Variants in ROBO1 observed in about 807,000 individuals in gnomAD.
ROBO1 encodes roundabout guidance receptor 1, also known as roundabout homolog 1.
In ROBO1, 149 loss-of-function variants were observed where a neutral mutation model predicts 195.9. That is an observed-to-expected ratio of 0.76 (90% CI 0.67 to 0.87). The LOEUF is 0.87. Ranked by LOEUF, ROBO1 falls within the 40% of genes least tolerant of loss-of-function variation. The pLI is 0.00. For missense variants in ROBO1, 1,933 were observed against 2,068.3 expected, an observed-to-expected ratio of 0.93 and a Z score of 1.27; for synonymous variants, 816 against 733.2, an observed-to-expected ratio of 1.11 and a Z score of -1.82.
At chr3:79,427,445 A>G (rs761035591) in intron 2 of ROBO1, among the ~76,000 whole-genome samples, 3 of 152,160 alleles carry the variant, frequency 2.0e-5, no homozygotes, top group Non-Finnish European at 4.4e-5. Context: ...TGTTTAGGGG[A>G]CGCAATTCTA....
chr3:79,442,259 T>C (rs568508650), intron 2 of ROBO1, among the ~76,000 whole-genome samples: 25 of 152,260 alleles, frequency 1.6e-4, no homozygotes, highest in African/African-American at 6.0e-4. Flanking sequence ...ATTATCAGCC[T>C]GTATTGAGTA....
In ROBO1 at chr3:78,627,483, C is replaced by T. The variant is rs1348948033; in HGVS notation, c.3713G>A (p.Gly1238Asp). 1.2e-6 allele frequency: 2 copies of T among 1,613,102 alleles called. No homozygotes were observed. Among genetic ancestry groups the T allele is most frequent in the East Asian group, 2.2e-5 (1 of 44,748 alleles). The change falls in exon 26 of 31, where the codon GGC (glycine) becomes GAC (aspartate). Residue 1238 changes from glycine (G) to aspartate (D), a missense_variant. Around this residue, in one of 3 missense-constraint regions of ROBO1, gnomAD observed 1,737 missense variants for 1,882.5 expected, o/e 0.92. Transcript: ENST00000464233. ...TGCTCCCCGAACAGGGGGAGTGGGGCCTCGTTCATCTTCCTCCTCTTCTAA... is the reference window on the plus strand; with the variant it reads ...TGCTCCCCGAACAGGGGGAGTGGGGTCTCGTTCATCTTCCTCCTCTTCTAA... Reference protein sequence around the residue: ...DELEEEEDERGPTPPVRGAAS... With the variant: ...DELEEEEDERDPTPPVRGAAS...
At chr3:78,908,299 C>T (rs1032959805) in intron 4 of ROBO1, among the ~76,000 whole-genome samples, 3 of 151,874 alleles carry the variant, frequency 2.0e-5, no homozygotes, top group African/African-American at 7.2e-5. Context: ...CCAACATAAC[C>T]TACCATCAAG....
chr3:79,512,551 G>A (rs910197600), intron 2 of ROBO1, among the ~76,000 whole-genome samples: 4 of 151,930 alleles, frequency 2.6e-5, no homozygotes, highest in Non-Finnish European at 2.9e-5. Context: ...TATTCGAGTT[G>A]TTACTATTTA....
chr3:79,358,451 G>C (rs778758839), intron 2 of ROBO1, among the ~76,000 whole-genome samples: 3 of 151,954 alleles, frequency 2.0e-5, no homozygotes, highest in Non-Finnish European at 2.9e-5. Flanking sequence ...AGCTATAAAT[G>C]GTTTTCCAGC....
rs528034063 is a variant in ROBO1 at position 79,474,197 on chromosome 3, C to T, written c.88+115627G>A. Among the ~76,000 whole-genome samples the T allele has an allele frequency of 2.0e-5, 3 of 152,162 alleles. No individual in the cohort carries two copies. In the East Asian group the frequency reaches 5.8e-4, roughly 29 times the overall value. ...TTAGATATCTGTAGTAAAGACAATT[C>T]CTCAAGTGTGTACAAATTCCAAAGT... On this transcript the variant is annotated intron_variant, in intron 2 of 30. Coordinates refer to ENST00000464233, the MANE Select transcript of ROBO1 (RefSeq NM_002941.4).
At chr3:78,905,764 A>G (rs1039089371) in intron 4 of ROBO1, among the ~76,000 whole-genome samples, 28 of 152,154 alleles carry the variant, frequency 1.8e-4, no homozygotes, top group African/African-American at 6.8e-4. Context: ...TCATACTTAA[A>G]TGTGCTTTAA....
chr3:79,059,729 T>C (rs781396929), intron 3 of ROBO1, among the ~76,000 whole-genome samples: 28 of 152,122 alleles, frequency 1.8e-4, no homozygotes, highest in Non-Finnish European at 3.1e-4. Context: ...TAATTTCCTA[T>C]GCCTGTCTTT....
At chr3:79,267,168 C>T (rs2030041224) in intron 2 of ROBO1, among the ~76,000 whole-genome samples, 1 of 151,438 alleles carries the variant, frequency 6.6e-6, no homozygotes, top group South Asian at 2.1e-4. Context: ...AAATAGAACA[C>T]TCCCATCTTC....
chr3:79,436,045 A>G (rs2038875567), intron 2 of ROBO1, among the ~76,000 whole-genome samples: 1 of 152,178 alleles, frequency 6.6e-6, no homozygotes, highest in Admixed American at 6.6e-5. Flanking sequence ...GTAACAGTTA[A>G]TAGCTCTATA....
intron 16 of ROBO1, 25 bp from the exon 17 acceptor site, chr3:78,659,832 G>C (rs763372037): frequency 1.4e-5 from 23 of 1,586,248 alleles, no homozygotes; most frequent in Non-Finnish European, 2.0e-5. Flanking sequence ...TAAAAGGTAG[G>C]TTATTAGAAT....
chr3:78,975,544 T>C (rs1230360860), intron 3 of ROBO1, among the ~76,000 whole-genome samples: 1 of 152,056 alleles, frequency 6.6e-6, no homozygotes, highest in African/African-American at 2.4e-5. Context: ...TTAACCTTAG[T>C]TTCCTGGTTT....
At chr3:78,936,701 G>A (rs75095127) in intron 4 of ROBO1, among the ~76,000 whole-genome samples, 1,585 of 152,026 alleles carry the variant, frequency 0.01, 35 homozygotes, top group African/African-American at 0.034. Context: ...TAAATACTAC[G>A]TCATATATAA....
intron 14 of ROBO1, among the ~76,000 whole-genome samples, chr3:78,667,475 T>C (rs1707800836): frequency 1.3e-5 from 2 of 152,128 alleles, no homozygotes; most frequent in Non-Finnish European, 2.9e-5. Flanking sequence ...GCAGTCACCT[T>C]GTTGCTATCT....
At chr3:79,397,852 T>C (rs1476568531) in intron 2 of ROBO1, among the ~76,000 whole-genome samples, 2 of 152,150 alleles carry the variant, frequency 1.3e-5, no homozygotes, top group Admixed American at 6.6e-5. Context: ...ATATTATTCA[T>C]CTGTAAAATG....
chr3:78,657,496 C>A (rs3732662), intron 17 of ROBO1, among the ~76,000 whole-genome samples: 1 of 151,972 alleles, frequency 6.6e-6, no homozygotes, highest in Non-Finnish European at 1.5e-5. Context: ...TTCTCATATA[C>A]TTTTAAAAGG....
At position 79,635,920 on chromosome 3, in the gene ROBO1, T is replaced by C. The variant is rs577935674; in HGVS notation, c.-50-45959A>G. 1.4e-3 allele frequency among the ~76,000 whole-genome samples: 216 copies of C among 152,306 alleles called. 3 individuals are homozygous for C. Among genetic ancestry groups the C allele is most frequent in the Admixed American group, 1.4e-3 (22 of 15,282 alleles). Reference sequence around the variant, plus strand: ...ATACAATACATATATCCTTCTTTATTAGGATATGATATTCTATCCTACCTA... The same window carrying C: ...ATACAATACATATATCCTTCTTTATCAGGATATGATATTCTATCCTACCTA... On this transcript the variant is annotated intron_variant, in intron 1 of 30. Coordinates refer to ENST00000464233, the MANE Select transcript of ROBO1 (RefSeq NM_002941.4).
In ROBO1 at chr3:79,174,323, C is replaced by G. The variant is rs551917703; in HGVS notation, c.89-48784G>C. ...AACTCCAGACGTGCCGCCTTAAGAG[C>G]TGTAACACTCACCGCAAAGGTCCGC... On this transcript the variant is annotated intron_variant, in intron 2 of 30. Transcript: ENST00000464233. 1.7e-4 allele frequency among the ~76,000 whole-genome samples: 26 copies of G among 152,032 alleles called. No individual in the cohort carries two copies. In the East Asian group the frequency reaches 2.5e-3, roughly 15 times the overall value.
chr3:79,752,602 C>T (rs577709342), intron 1 of ROBO1, among the ~76,000 whole-genome samples: 2 of 152,072 alleles, frequency 1.3e-5, no homozygotes, highest in African/African-American at 4.8e-5. Flanking sequence ...TGCTTGGACT[C>T]TATTCTGCAG....
Sources: gnomAD v4.1 joint callset for allele counts (sites outside exome capture counted in the v4.1 genomes callset) on GRCh38, gnomAD v4.1.1 for gene constraint, gnomAD v4.1.1 regional missense constraint, MANE v1.5 for transcripts, NCBI Gene and HGNC (gene_info 2026-07-23, HGNC 2026-07-21) for gene names.